DMRT3: variants seen among roughly 807,000 people sequenced by gnomAD.
The protein encoded by DMRT3 is doublesex- and mab-3-related transcription factor 3.
In DMRT3, 29 loss-of-function variants were observed where a neutral mutation model predicts 34.9. The observed-to-expected ratio is 0.83, with a 90% CI of 0.62 to 1.13. The LOEUF is 1.13. Ranked by LOEUF, DMRT3 falls within the 50% of genes most tolerant of loss-of-function variation. DMRT3 has a pLI of 0.00. For synonymous variants in DMRT3, 350 were observed against 286.0 expected, an observed-to-expected ratio of 1.22 and a Z score of -2.26; for missense variants, 772 against 629.1, an observed-to-expected ratio of 1.23 and a Z score of -2.43.
At chr9:983,122 G>A (rs976244190) in intron 1 of DMRT3, among the ~76,000 whole-genome samples, 3 of 152,172 alleles carry the variant, frequency 2.0e-5, no homozygotes, top group Non-Finnish European at 2.9e-5. Context: ...AACTAGGTAT[G>A]GGGTTTTTTT....
intron 1 of DMRT3, among the ~76,000 whole-genome samples, chr9:983,820 A>G (rs1272522195): frequency 3.9e-5 from 6 of 152,140 alleles, no homozygotes; most frequent in Non-Finnish European, 8.8e-5. Context: ...TATTCCCCCA[A>G]AATATAGTGT....
At position 990,421 on chromosome 9, in the gene DMRT3, G is replaced by C. The variant is rs140441254; in HGVS notation, c.835G>C (p.Val279Leu). 2.5e-6 allele frequency: 4 copies of C among 1,614,114 alleles called. No homozygotes were observed. The highest frequency in any genetic ancestry group is 4.5e-5 in the East Asian group (2 of 44,860). The change falls in exon 2 of 2, where the codon GTG (valine) becomes CTG (leucine). Residue 279 changes from valine (V) to leucine (L), a missense_variant. Transcript: ENST00000190165. ...CCTCAAGGGCTGTGGCGGGGACCTG[G>C]TGAGCGCCGTGGAAGTCCTTCTGTC... The part of the protein sequence containing the change: ...LILKGCGGDL[V>L]SAVEVLLSSR...
chr9:981,838 C>G (rs1448821239), intron 1 of DMRT3, among the ~76,000 whole-genome samples: 1 of 152,160 alleles, frequency 6.6e-6, no homozygotes, highest in Non-Finnish European at 1.5e-5. Context: ...ACGGCTCTTT[C>G]CTTGGTCACT....
intron 1 of DMRT3, among the ~76,000 whole-genome samples, chr9:980,090 AT>A (rs71327363): frequency 0.52 from 78,575 of 151,778 alleles, 20,988 homozygotes; most frequent in Middle Eastern, 0.67. Context: ...GTGAAGAGAG[AT>A]TTTTTTTTCT....
intron 1 of DMRT3, among the ~76,000 whole-genome samples, chr9:988,427 A>G (rs1403627821): frequency 1.3e-5 from 2 of 152,240 alleles, no homozygotes; most frequent in Non-Finnish European, 1.5e-5. Flanking sequence ...TTTTGGTTAC[A>G]TCTGAGATAC....
At chr9:978,859 C>T (rs1282034166) in intron 1 of DMRT3, among the ~76,000 whole-genome samples, 1 of 152,210 alleles carries the variant, frequency 6.6e-6, no homozygotes, top group Non-Finnish European at 1.5e-5. Context: ...CGCCAGTTGT[C>T]TCTCTTTTGT....
intron 1 of DMRT3, among the ~76,000 whole-genome samples, chr9:987,266 ATTC>A (rs1298439144): frequency 6.6e-6 from 1 of 152,128 alleles, no homozygotes; most frequent in Non-Finnish European, 1.5e-5. Context: ...GAATTTCCCT[ATTC>A]TTGGTATCGA....
chr9:977,273 T>C lies in DMRT3; in HGVS notation c.272T>C (p.Leu91Pro). 1 of 1,516,608 alleles carries C rather than the reference T, an allele frequency of 6.6e-7. No homozygotes were observed. Among genetic ancestry groups the C allele is most frequent in the East Asian group, 2.6e-5 (1 of 38,208 alleles). 93.9% of individuals were successfully genotyped at this position (1,516,608 alleles called of 1,614,324 possible). ...TTGGAGAGCCTCATCCCCGACTCGC[T>C]GCGCGCTCTGCCAGGGCCCCCGCCG... ...ESLESLIPDS[L>P]RALPGPPPPG... The change falls in exon 1 of 2, where the codon CTG (leucine) becomes CCG (proline). Residue 91 changes from leucine (L) to proline (P), a missense_variant. Physicochemically the swap from Leu to Pro is moderately conservative, Grantham distance 98. Transcript: ENST00000190165.
Position 976,886 on chromosome 9 carries a change from G to C in DMRT3, c.-116G>C. On this transcript the variant is annotated 5_prime_UTR_variant, in exon 1 of 2. Transcript: ENST00000190165. This position sits in a 1 kb window ranked among gnomAD's most constrained non-coding sequence, Gnocchi z 4.5. The stretch of plus-strand genomic sequence containing the variant: ...GCACACACGACCACCGGGGCTGCGG[G>C]ACCAAGGGCCGCGTCGCCCGGAGGC... 1 of 1,166,388 alleles carries C rather than the reference G, an allele frequency of 8.6e-7. No individual in the cohort carries two copies. The highest frequency in any genetic ancestry group is 1.1e-6 in the Non-Finnish European group (1 of 894,236). The allele number at this position is 1,166,388 out of a possible 1,614,324, so 72.3% of individuals were successfully genotyped here.
intron 1 of DMRT3, chr9:989,740 G>A (rs1820329176): frequency 4.2e-6 from 1 of 238,088 alleles, no homozygotes; most frequent in Non-Finnish European, 8.2e-6. Context: ...TCTCTATTGA[G>A]ATTGTTACTG....
In DMRT3 at chr9:990,452, G is replaced by A. The variant is rs751127991; in HGVS notation, c.866G>A (p.Arg289Gln). The stretch of plus-strand genomic sequence containing the variant: ...GCCGTGGAAGTCCTTCTGTCCAGCC[G>A]ATCCTCAGTCACGGGAGCAGAGCGA... ...VSAVEVLLSS[R>Q]SSVTGAERTS... The change falls in exon 2 of 2, where the codon CGA becomes CAA. Residue 289 changes from arginine (R) to glutamine (Q), a missense_variant. By Grantham distance (43) the Arg-to-Gln change is conservative. Transcript: ENST00000190165. 1.9e-6 allele frequency: 3 copies of A among 1,614,124 alleles called. No individual in the cohort carries two copies. Among genetic ancestry groups the A allele is most frequent in the East Asian group, 2.2e-5 (1 of 44,864 alleles).
intron 1 of DMRT3, among the ~76,000 whole-genome samples, chr9:981,500 A>G (rs1455281552): frequency 6.6e-6 from 1 of 152,236 alleles, no homozygotes; most frequent in African/African-American, 2.4e-5. Flanking sequence ...TTTAAAAAAC[A>G]AAACCCAACC....
At chr9:988,013 C>CT (rs1273105890) in intron 1 of DMRT3, among the ~76,000 whole-genome samples, 1 of 152,062 alleles carries the variant, frequency 6.6e-6, no homozygotes, top group Non-Finnish European at 1.5e-5. Flanking sequence ...CTATAGAAGC[C>CT]TTTTTGTTGC....
At chr9:988,785 C>G (rs1049607741) in intron 1 of DMRT3, among the ~76,000 whole-genome samples, 2 of 152,164 alleles carry the variant, frequency 1.3e-5, no homozygotes, top group East Asian at 3.8e-4. Context: ...AACTCAACAA[C>G]TGGGTCATTA....
intron 1 of DMRT3, among the ~76,000 whole-genome samples, chr9:979,855 G>A (rs1820195720): frequency 6.6e-6 from 1 of 152,198 alleles, no homozygotes; most frequent in Non-Finnish European, 1.5e-5. Context: ...GTATTTAGAA[G>A]CATATCAGAA....
intron 1 of DMRT3, 139 bp downstream of exon 1, chr9:977,594 G>A (rs1586681442): frequency 1.1e-6 from 1 of 914,574 alleles, no homozygotes; most frequent in East Asian, 4.4e-5. Context: ...CTCTCCGCCA[G>A]GCCGGGGCTT....
chr9:984,826 T>C (rs972127864), intron 1 of DMRT3, among the ~76,000 whole-genome samples: 2 of 152,158 alleles, frequency 1.3e-5, no homozygotes, highest in African/African-American at 2.4e-5. Context: ...TCTCAAAGTA[T>C]TTGAAATAAT....
chr9:989,319 C>T (rs1402529783), intron 1 of DMRT3, among the ~76,000 whole-genome samples: 3 of 152,118 alleles, frequency 2.0e-5, no homozygotes, highest in Non-Finnish European at 4.4e-5. Context: ...TTCCTTTTTT[C>T]CTCTCCAGCA....
At chr9:983,685 C>T (rs1369404340) in intron 1 of DMRT3, among the ~76,000 whole-genome samples, 3 of 152,110 alleles carry the variant, frequency 2.0e-5, no homozygotes, top group Non-Finnish European at 2.9e-5. Context: ...AGGTAATTTC[C>T]CCTCTGCTTC....
Sources: gnomAD v4.1 joint callset for allele counts (sites outside exome capture counted in the v4.1 genomes callset) on GRCh38, gnomAD v4.1.1 for gene constraint, Gnocchi (gnomAD v3.1) non-coding constraint, MANE v1.5 for transcripts, NCBI Gene and HGNC (gene_info 2026-07-23, HGNC 2026-07-21) for gene names.